OAS3: variants seen among roughly 807,000 people sequenced by gnomAD.
OAS3 encodes the protein 2'-5'-oligoadenylate synthetase 3.
Under a neutral mutation model 113.0 loss-of-function variants are expected in OAS3, and 107 were observed. That is an observed-to-expected ratio of 0.95 (90% CI 0.81 to 1.11). The LOEUF is 1.11. Among genes scored for constraint, OAS3 ranks in the 50% most tolerant of loss-of-function variants. The probability of loss-of-function intolerance (pLI) is 0.00; values close to 1 mark genes in which losing one functional copy is unlikely to be tolerated. For synonymous variants in OAS3, 552 were observed against 573.6 expected, an observed-to-expected ratio of 0.96 and a Z score of 0.54; for missense variants, 1,258 against 1,389.1, an observed-to-expected ratio of 0.91 and a Z score of 1.50.
intron 11 of OAS3, among the ~76,000 whole-genome samples, chr12:112,964,799 G>A (rs1479681961): frequency 6.6e-6 from 1 of 152,048 alleles, no homozygotes; most frequent in African/African-American, 2.4e-5. Context: ...GTGGTCTTTG[G>A]CAGCTCTAAG....
chr12:112,967,609 A>G lies in OAS3; in HGVS notation c.2865+16A>G, dbSNP rs921262614. ...GTACCAGCAGGTTCGGCACATGGAT[A>G]GGCCACCTTCCTAAGTTGCCCTGGG... is the stretch of plus-strand genomic sequence containing the variant. On this transcript the variant is annotated intron_variant, in intron 13 of 15. Coordinates refer to ENST00000228928, the MANE Select transcript of OAS3 (RefSeq NM_006187.4). 1.2e-6 allele frequency: 2 copies of G among 1,609,008 alleles called. No homozygotes were observed. Among genetic ancestry groups the G allele is most frequent in the African/African-American group, 2.7e-5 (2 of 74,816 alleles).
intron 14 of OAS3, chr12:112,969,378 A>G (rs2043963437): frequency 5.2e-6 from 3 of 577,644 alleles, no homozygotes; most frequent in South Asian, 4.0e-5. Context: ...GGTAAGCGGT[A>G]GCACCGTGGT....
intron 4 of OAS3, among the ~76,000 whole-genome samples, 197 bp downstream of exon 4, chr12:112,947,178 C>T (rs1174962728): frequency 6.6e-6 from 1 of 152,096 alleles, no homozygotes; most frequent in Admixed American, 6.5e-5. Context: ...AAAAATATAC[C>T]AGTGCCTGGC....
chr12:112,949,124 G>A lies in OAS3; in HGVS notation c.1293G>A (p.Gln431=), dbSNP rs2043765032. Residue 431 remains glutamine (Q), a synonymous_variant, in exon 6 of 16, where the codon CAG becomes CAA. Coordinates refer to ENST00000228928, the MANE Select transcript of OAS3 (RefSeq NM_006187.4). ...ACCTGAAGCCGAGCCCCCAGTTCCA[G>A]GAGCAGGTGAAAAAGGCCATTGACA... ...QDHLKPSPQF[Q]EQVKKAIDII... is the part of the protein sequence containing the mutation. The A allele has an allele frequency of 6.2e-7, 1 of 1,613,864 alleles. No individual in the cohort carries two copies. Among genetic ancestry groups the A allele is most frequent in the South Asian group, 1.1e-5 (1 of 91,088 alleles).
Position 112,963,147 on chromosome 12 carries a change from C to A in OAS3, c.2085-166C>A, listed in dbSNP as rs2043903629. On this transcript the variant is annotated intron_variant, in intron 9 of 15. Coordinates refer to ENST00000228928, the MANE Select transcript of OAS3 (RefSeq NM_006187.4). The surrounding 1 kb of genome is among the most constrained non-coding windows in gnomAD (Gnocchi z 4.6). ...GTTGAAGGGGCCACCCAATAGCTTT[C>A]CAACCAAGGCAGCCAATTGAGATCG... 6.6e-6 allele frequency among the ~76,000 whole-genome samples: 1 copy of A among 152,244 alleles called. No individual in the cohort carries two copies. The highest frequency in any genetic ancestry group is 6.5e-5 in the Admixed American group (1 of 15,292).
chr12:112,971,787 C>T lies in OAS3; in HGVS notation c.*1814C>T, dbSNP rs2043986474. On this transcript the variant is annotated 3_prime_UTR_variant, in exon 16 of 16. Coordinates refer to ENST00000228928, the MANE Select transcript of OAS3 (RefSeq NM_006187.4). The stretch of plus-strand genomic sequence containing the variant: ...TCTCTGCCGTCTTTGGCTCAGCCTA[C>T]AGAGACTAGAGTAGGTGAAGGGACA... 1 of 152,214 alleles carries T rather than the reference C, an allele frequency of 6.6e-6. No individual in the cohort carries two copies. The highest frequency in any genetic ancestry group is 1.5e-5 in the Non-Finnish European group (1 of 68,050). The allele number at this position is 152,214 out of a possible 1,614,324, so 9.4% of individuals were successfully genotyped here.
At chr12:112,943,985 G>A (rs562105289) in intron 2 of OAS3, among the ~76,000 whole-genome samples, 14 of 152,258 alleles carry the variant, frequency 9.2e-5, no homozygotes, top group African/African-American at 2.4e-4. Flanking sequence ...GAGCCACAGC[G>A]CCAGGCCTGT....
intron 7 of OAS3, among the ~76,000 whole-genome samples, chr12:112,959,813 C>T (rs763740650): frequency 2.0e-5 from 3 of 152,020 alleles, no homozygotes; most frequent in African/African-American, 7.3e-5. Flanking sequence ...TTTAAAATTT[C>T]AGTGACTTTT....
chr12:112,951,078 A>G, intron 7 of OAS3, 103 bp downstream of exon 7: 1 of 1,245,898 alleles, frequency 8.0e-7, no homozygotes, highest in Non-Finnish European at 1.1e-6. Context: ...CTCCTACTTG[A>G]CCAAGCATTG....
At chr12:112,939,940 T>C (rs183335972) in intron 1 of OAS3, among the ~76,000 whole-genome samples, 60 of 152,182 alleles carry the variant, frequency 3.9e-4, no homozygotes, top group Admixed American at 7.9e-4. Context: ...GAGACACTTG[T>C]CGCCTAGGAG....
rs551310236 is a variant in OAS3 at position 112,972,609 on chromosome 12, A to G, written c.*2636A>G. ...TGAGCAGGGCCTAGTCTTAGCCAAT[A>G]TTAAAACATACTATGAAGCCTCTGA... On this transcript the variant is annotated 3_prime_UTR_variant, in exon 16 of 16. Transcript: ENST00000228928. The G allele has an allele frequency of 6.6e-6, 1 of 152,360 alleles. No homozygotes were observed. The highest frequency in any genetic ancestry group is 2.4e-5 in the African/African-American group (1 of 41,576). 9.4% of individuals were successfully genotyped at this position (152,360 alleles called of 1,614,324 possible). A position where few individuals can be genotyped will look rare whatever the true frequency, so the allele number is the denominator to read the frequency against.
At chr12:112,938,802 C>T in intron 1 of OAS3, 95 bp downstream of exon 1, 3 of 964,502 alleles carry the variant, frequency 3.1e-6, no homozygotes, top group Non-Finnish European at 2.9e-6. Context: ...TGGCTTTATC[C>T]GCTTGTGCAC....
At chr12:112,957,714 C>G (rs1360552131) in intron 7 of OAS3, among the ~76,000 whole-genome samples, 9 of 152,224 alleles carry the variant, frequency 5.9e-5, no homozygotes, top group Non-Finnish European at 5.9e-5. Flanking sequence ...TGCTGTTAGT[C>G]TGATGGGCTT....
At chr12:112,951,122 C>T (rs1399228561) in intron 7 of OAS3, 147 bp downstream of exon 7, 1 of 731,870 alleles carries the variant, frequency 1.4e-6, no homozygotes, top group Non-Finnish European at 2.2e-6. Flanking sequence ...GTAATCATCA[C>T]CATCAAATCT....
intron 7 of OAS3, among the ~76,000 whole-genome samples, chr12:112,956,402 T>A (rs1162601037): frequency 1.3e-5 from 2 of 152,254 alleles, no homozygotes; most frequent in African/African-American, 4.8e-5. Flanking sequence ...TTGCTCTTGC[T>A]TCTCTAGTTC....
intron 6 of OAS3, 101 bp downstream of exon 6, chr12:112,949,306 T>C: frequency 5.2e-6 from 5 of 969,766 alleles, no homozygotes; most frequent in Non-Finnish European, 7.7e-6. Context: ...GCTGGGGAAC[T>C]GGACGGCCCA....
At chr12:112,969,500 C>A in intron 14 of OAS3, 108 bp from the exon 15 acceptor site, 1 of 1,338,756 alleles carries the variant, frequency 7.5e-7, no homozygotes, top group Admixed American at 2.0e-5. Context: ...AGCCCTGGCT[C>A]TAGCCCCTGC....
chr12:112,949,985 C>T (rs779669827), intron 6 of OAS3, among the ~76,000 whole-genome samples: 13 of 152,218 alleles, frequency 8.5e-5, no homozygotes, highest in Admixed American at 2.6e-4. Flanking sequence ...TGCCACTGCA[C>T]TCCAGCCTGG....
At chr12:112,969,777 A>G in intron 15 of OAS3, 22 bp downstream of exon 15, 1 of 1,610,564 alleles carries the variant, frequency 6.2e-7, no homozygotes. Flanking sequence ...GTGGTGCCAA[A>G]GGAAGTACCC....
Sources: gnomAD v4.1 joint callset for allele counts (sites outside exome capture counted in the v4.1 genomes callset) on GRCh38, gnomAD v4.1.1 for gene constraint, Gnocchi (gnomAD v3.1) non-coding constraint, MANE v1.5 for transcripts, NCBI Gene and HGNC (gene_info 2026-07-23, HGNC 2026-07-21) for gene names.